P2RY8: variants seen among roughly 807,000 people sequenced by gnomAD.
P2RY8 encodes the protein S-geranylgeranyl-glutathione receptor P2RY8.
P2RY8 carries 6 observed loss-of-function variants against 10.0 expected under a neutral mutation model. That is an observed-to-expected ratio of 0.60 (90% CI 0.33 to 1.19). P2RY8 has a LOEUF of 1.19. Ranked by LOEUF, P2RY8 falls within the 50% of genes most tolerant of loss-of-function variation. The pLI is 0.04. For synonymous variants in P2RY8, 276 were observed against 252.5 expected (o/e 1.09, Z -0.88); for missense variants, 456 against 542.0 (o/e 0.84, Z 1.58).
At chrX:1,514,924 G>C (rs2092334200) in intron 1 of P2RY8, among the ~76,000 whole-genome samples, 1 of 96,250 alleles carries the variant, frequency 1.0e-5, no homozygotes, top group African/African-American at 4.0e-5. Flanking sequence ...CCTTCCCTTT[G>C]ACAGAGACTT....
intron 1 of P2RY8, among the ~76,000 whole-genome samples, chrX:1,501,975 A>C (rs188736949): frequency 1.5e-3 from 234 of 151,848 alleles, no homozygotes; most frequent in African/African-American, 5.4e-3. Flanking sequence ...CAGCGCTGTG[A>C]TCTTGCCTCA....
intron 1 of P2RY8, among the ~76,000 whole-genome samples, chrX:1,495,163 T>A (rs1399580924): frequency 6.6e-6 from 1 of 152,100 alleles, no homozygotes; most frequent in Non-Finnish European, 1.5e-5. Context: ...CACTCCAGCC[T>A]GGGTGACAGA....
At chrX:1,494,838 G>A (rs1182165965) in intron 1 of P2RY8, among the ~76,000 whole-genome samples, 2 of 151,296 alleles carry the variant, frequency 1.3e-5, no homozygotes, top group African/African-American at 4.9e-5. Flanking sequence ...AAGTAGCTGG[G>A]AAGACAGGCA....
intron 1 of P2RY8, among the ~76,000 whole-genome samples, chrX:1,526,041 C>T (rs1387462334): frequency 1.3e-5 from 2 of 151,778 alleles, no homozygotes; most frequent in African/African-American, 4.8e-5. Flanking sequence ...TATCCAGCCG[C>T]TCATCCATCC....
At chrX:1,524,777 C>T (rs865896444) in intron 1 of P2RY8, among the ~76,000 whole-genome samples, 14 of 93,926 alleles carry the variant, frequency 1.5e-4, no homozygotes, top group South Asian at 3.1e-4. Flanking sequence ...ATCCATCCAT[C>T]CATCCACTCA....
chrX:1,528,321 G>A (rs1236170260), intron 1 of P2RY8, among the ~76,000 whole-genome samples: 4 of 152,220 alleles, frequency 2.6e-5, no homozygotes, highest in Admixed American at 6.5e-5. Flanking sequence ...CTGGCTGAGA[G>A]GCTCATGCAG....
chrX:1,497,991 A>T (rs2092133823), intron 1 of P2RY8, among the ~76,000 whole-genome samples: 1 of 152,140 alleles, frequency 6.6e-6, no homozygotes, highest in South Asian at 2.1e-4. Context: ...GTGCCAGCCA[A>T]CAGACACGGA....
Position 1,465,570 on chromosome X carries a change from G to T in P2RY8, c.989C>A (p.Thr330Asn). The T allele has an allele frequency of 6.2e-7, 1 of 1,612,802 alleles. No individual in the cohort carries two copies. The highest frequency in any genetic ancestry group is 1.3e-5 in the African/African-American group (1 of 75,040). Residue 330 changes from threonine (T) to asparagine (N), a missense_variant, in exon 2 of 2, where the codon ACC (threonine) becomes AAC (asparagine). By Grantham distance (65) the Thr-to-Asn change is moderately conservative (BLOSUM62 0). Coordinates refer to ENST00000381297, the MANE Select transcript of P2RY8 (RefSeq NM_178129.5). The stretch of plus-strand genomic sequence containing the variant: ...ACCGGCCTCGGAGCGCACGGACGTG[G>T]TCCTGGCGGAGAAGAGGCTCTCGCG... ...TRRESLFSARTTSVRSEAGAH... is the reference protein window; with the variant it reads ...TRRESLFSARNTSVRSEAGAH...
At chrX:1,517,337 G>T (rs1476922552) in intron 1 of P2RY8, among the ~76,000 whole-genome samples, 1 of 152,096 alleles carries the variant, frequency 6.6e-6, no homozygotes, top group Non-Finnish European at 1.5e-5. Flanking sequence ...AACCAGCCCT[G>T]TCCACACCTG....
At chrX:1,494,732 G>A (rs141380249) in intron 1 of P2RY8, among the ~76,000 whole-genome samples, 1 of 152,140 alleles carries the variant, frequency 6.6e-6, no homozygotes, top group African/African-American at 2.4e-5. Flanking sequence ...TTGAGACTGA[G>A]TCTCGCTCTG....
chrX:1,492,045 A>T (rs2092057669), intron 1 of P2RY8, among the ~76,000 whole-genome samples: 1 of 152,134 alleles, frequency 6.6e-6, no homozygotes. Flanking sequence ...TGCTGCATCC[A>T]TGGAAACTGT....
At chrX:1,469,330 A>AT (rs1569536493) in intron 1 of P2RY8, among the ~76,000 whole-genome samples, 1 of 150,508 alleles carries the variant, frequency 6.6e-6, no homozygotes, top group Non-Finnish European at 1.5e-5. Context: ...CGCCTGGCTG[A>AT]TTTTTTACTT....
chrX:1,500,342 A>G (rs2092165634), intron 1 of P2RY8, among the ~76,000 whole-genome samples: 1 of 151,982 alleles, frequency 6.6e-6, no homozygotes, highest in Non-Finnish European at 1.5e-5. Context: ...CATTGGCACA[A>G]TCATGGCTCA....
intron 1 of P2RY8, among the ~76,000 whole-genome samples, chrX:1,488,766 T>A (rs183550484): frequency 7.3e-6 from 1 of 136,466 alleles, no homozygotes; most frequent in African/African-American, 2.6e-5. Flanking sequence ...GTGTGTGTGA[T>A]ACAGGACATT....
chrX:1,524,597 T>G (rs866749631), intron 1 of P2RY8, among the ~76,000 whole-genome samples: 2 of 17,304 alleles, frequency 1.2e-4, no homozygotes, highest in African/African-American at 2.2e-4. Context: ...ATCCATCCAT[T>G]CATCCATCTA....
chrX:1,472,047 C>T (rs1339966875), intron 1 of P2RY8, among the ~76,000 whole-genome samples: 2 of 152,136 alleles, frequency 1.3e-5, no homozygotes, highest in African/African-American at 4.8e-5. Context: ...GCAAATGGCA[C>T]TCTGTTGGAG....
At chrX:1,528,868 T>C (rs2092456514) in intron 1 of P2RY8, among the ~76,000 whole-genome samples, 1 of 152,232 alleles carries the variant, frequency 6.6e-6, no homozygotes, top group Non-Finnish European at 1.5e-5. Flanking sequence ...GAGTGTGGAC[T>C]TGAGTCTCTT....
chrX:1,529,974 C>T (rs1174451024), intron 1 of P2RY8, among the ~76,000 whole-genome samples: 5 of 151,976 alleles, frequency 3.3e-5, no homozygotes, highest in Non-Finnish European at 5.9e-5. Flanking sequence ...CCTTACACTG[C>T]ACAGGATGGC....
chrX:1,493,155 G>T (rs1443300379), intron 1 of P2RY8, among the ~76,000 whole-genome samples: 1 of 150,458 alleles, frequency 6.6e-6, no homozygotes, highest in South Asian at 2.1e-4. Context: ...GGGCGTTGGG[G>T]TGGGCGCCTG....
Sources: allele counts gnomAD v4.1 joint callset (sites outside exome capture counted in the v4.1 genomes callset), GRCh38; gene constraint gnomAD v4.1.1; transcripts MANE v1.5; gene names NCBI Gene and HGNC (gene_info 2026-07-23, HGNC 2026-07-21).